TNPO2: variants seen among roughly 807,000 people sequenced by gnomAD.
The protein encoded by TNPO2 is transportin-2.
TNPO2 carries 16 observed loss-of-function variants against 111.1 expected under a neutral mutation model. The observed-to-expected ratio is 0.14, with a 90% CI of 0.10 to 0.22. TNPO2 has a LOEUF of 0.22. Ranked by LOEUF, TNPO2 falls within the 10% of genes least tolerant of loss-of-function variation. TNPO2 has a pLI of 1.00. For synonymous variants in TNPO2, 481 were observed against 475.8 expected, an observed-to-expected ratio of 1.01 and a Z score of -0.14; for missense variants, 530 against 1,173.7, an observed-to-expected ratio of 0.45 and a Z score of 8.01.
In TNPO2 at chr19:12,702,609, C is replaced by T; in HGVS notation, c.2305+214G>A. Among the ~76,000 whole-genome samples the T allele has an allele frequency of 6.6e-6, 1 of 152,138 alleles. No homozygotes were observed. The highest frequency in any genetic ancestry group is 1.5e-5 in the Non-Finnish European group (1 of 68,020). On this transcript the variant is annotated intron_variant, in intron 21 of 25. Coordinates refer to ENST00000425528, the MANE Select transcript of TNPO2 (RefSeq NM_001382241.1). The surrounding 1 kb of genome is among the most constrained non-coding windows in gnomAD (Gnocchi z 5.5). The stretch of plus-strand genomic sequence containing the variant: ...TCTCGAACTCCTGACTTCAGGTGAT[C>T]TGCCTCCCAAAGTGCTGAGATTACA...
chr19:12,720,258 A>G (rs1380182149), intron 3 of TNPO2, among the ~76,000 whole-genome samples: 1 of 151,370 alleles, frequency 6.6e-6, no homozygotes, highest in East Asian at 1.9e-4. Context: ...ACCTCAGGTG[A>G]TCCGTCCGCC....
intron 13 of TNPO2, among the ~76,000 whole-genome samples, chr19:12,710,284 C>T (rs2025964078): frequency 6.6e-6 from 1 of 152,192 alleles, no homozygotes. Flanking sequence ...ATCCGGCACC[C>T]AGCTCATCAG....
chr19:12,711,525 C>T, intron 11 of TNPO2, 28 bp downstream of exon 11: 1 of 1,613,922 alleles, frequency 6.2e-7, no homozygotes, highest in South Asian at 1.1e-5. Context: ...CGCCCATGCC[C>T]ACCCATGCTG....
chr19:12,710,344 C>T (rs2025966779), intron 13 of TNPO2, among the ~76,000 whole-genome samples: 1 of 152,210 alleles, frequency 6.6e-6, no homozygotes, highest in South Asian at 2.1e-4. Flanking sequence ...ACGAGGCAAG[C>T]ATGCAGCTGT....
chr19:12,723,050 A>C (rs1967109076), intron 2 of TNPO2, among the ~76,000 whole-genome samples, 199 bp downstream of exon 2: 2 of 152,210 alleles, frequency 1.3e-5, no homozygotes, highest in South Asian at 4.1e-4. Flanking sequence ...CCAGAGACAA[A>C]GGAAAGAAAG....
chr19:12,704,981 T>TTTTCTA (rs1435506410), intron 18 of TNPO2, among the ~76,000 whole-genome samples: 31 of 152,200 alleles, frequency 2.0e-4, no homozygotes, highest in African/African-American at 7.2e-4. Flanking sequence ...TGGCCTCACA[T>TTTTCTA]TTTCTATTTT....
At position 12,715,566 on chromosome 19, in the gene TNPO2, CGTGGGTG is replaced by C. The variant is rs745429407; in HGVS notation, c.433-35_433-29del. ...GAGTGCAGAGGGGCAGAGAGACAAA[CGTGGGTG>C]GTGGGTGGTGGTCCCAGCCCCCCAG... On this transcript the variant is annotated intron_variant, in intron 6 of 25. Coordinates refer to ENST00000425528, the MANE Select transcript of TNPO2 (RefSeq NM_001382241.1). The surrounding 1 kb of genome is among the most constrained non-coding windows in gnomAD (Gnocchi z 7.1). 28 of 1,613,546 alleles carry C rather than the reference CGTGGGTG, an allele frequency of 1.7e-5. No homozygotes were observed. The highest frequency in any genetic ancestry group is 1.3e-4 in the Admixed American group (8 of 59,970).
Position 12,706,056 on chromosome 19 carries a change from G to C in TNPO2, c.1668+140C>G. 1 of 942,984 alleles carries C rather than the reference G, an allele frequency of 1.1e-6. No homozygotes were observed. Among genetic ancestry groups the C allele is most frequent in the Non-Finnish European group, 1.6e-6 (1 of 639,540 alleles). 58.4% of individuals were successfully genotyped at this position (942,984 alleles called of 1,614,324 possible). ...TTCTCCCCCACTAGACTGGGAGCAGGGCGAGGGCGGGGCCGGGTCTGTCTG... is the reference window on the plus strand; with the variant it reads ...TTCTCCCCCACTAGACTGGGAGCAGCGCGAGGGCGGGGCCGGGTCTGTCTG... On this transcript the variant is annotated intron_variant, in intron 15 of 25. Transcript: ENST00000425528. This position sits in a 1 kb window ranked among gnomAD's most constrained non-coding sequence, Gnocchi z 7.0.
Position 12,705,992 on chromosome 19 carries a change from C to T in TNPO2, c.1668+204G>A. 1 of 689,676 alleles carries T rather than the reference C, an allele frequency of 1.4e-6. No homozygotes were observed. Among genetic ancestry groups the T allele is most frequent in the Non-Finnish European group, 2.4e-6 (1 of 420,182 alleles). The allele number at this position is 689,676 out of a possible 1,614,324, so 42.7% of individuals were successfully genotyped here. A position where few individuals can be genotyped will look rare whatever the true frequency, so the allele number is the denominator to read the frequency against. ...AGCCTGGGTTACCACCTCCTGGTTC[C>T]CGAAGCACAGCACTTACCACGCTGT... On this transcript the variant is annotated intron_variant, in intron 15 of 25. Transcript: ENST00000425528. This position sits in a 1 kb window ranked among gnomAD's most constrained non-coding sequence, Gnocchi z 7.2.
At chr19:12,722,342 C>T (rs1006771962) in intron 2 of TNPO2, 18 of 150,850 alleles carry the variant, frequency 1.2e-4, no homozygotes, top group Admixed American at 3.3e-4. Flanking sequence ...AGGATCGGGC[C>T]CAACCGGCTT....
Position 12,705,611 on chromosome 19 carries a change from G to A in TNPO2, c.1756-12C>T, listed in dbSNP as rs777796100. ...ACCGATGACAGACACTGGCAGGGAG[G>A]AAGGCAGGTGGGGAGAACTCAGGCA... On this transcript the variant is annotated splice_polypyrimidine_tract_variant and intron_variant, in intron 16 of 25. Transcript: ENST00000425528. This position sits in a 1 kb window ranked among gnomAD's most constrained non-coding sequence, Gnocchi z 7.2. The A allele has an allele frequency of 1.3e-6, 2 of 1,590,540 alleles. No homozygotes were observed. The highest frequency in any genetic ancestry group is 1.7e-6 in the Non-Finnish European group (2 of 1,168,758).
In TNPO2 at chr19:12,702,130, A is replaced by G. The variant is rs2025351153; in HGVS notation, c.2353T>C (p.Leu785=). Residue 785 remains leucine (L), a synonymous_variant, in exon 22 of 26, where the codon TTG becomes CTG. Coordinates refer to ENST00000425528, the MANE Select transcript of TNPO2 (RefSeq NM_001382241.1). The surrounding 1 kb of genome is among the most constrained non-coding windows in gnomAD (Gnocchi z 5.5). ...ACCTCCTGGGGGCACACGTAGCCCA[A>G]GCGGCCGATGGTGATGGCTGGAATG... ...SAIPAITIGR[L]GYVCPQEVAP... is the part of the protein sequence containing the mutation. 1 of 1,613,418 alleles carries G rather than the reference A, an allele frequency of 6.2e-7. No individual in the cohort carries two copies. The highest frequency in any genetic ancestry group is 8.5e-7 in the Non-Finnish European group (1 of 1,179,802).
At chr19:12,703,612 A>T in intron 19 of TNPO2, 86 bp from the exon 20 acceptor site, 1 of 1,571,254 alleles carries the variant, frequency 6.4e-7, no homozygotes, top group South Asian at 1.1e-5. Context: ...ATCAGACAGT[A>T]CGAATACATC....
intron 10 of TNPO2, among the ~76,000 whole-genome samples, chr19:12,713,482 GATAAATAAATAAATAA>G (rs112781674): frequency 1.4e-5 from 2 of 146,324 alleles, no homozygotes; most frequent in South Asian, 2.1e-4. Flanking sequence ...TCTAATGAAT[GATAAATAAATAAATAA>G]ATAAATAAAT....
chr19:12,703,923 T>C, intron 18 of TNPO2, 122 bp from the exon 19 acceptor site: 1 of 874,090 alleles, frequency 1.1e-6, no homozygotes, highest in Non-Finnish European at 1.7e-6. Flanking sequence ...AGCTCCTAGC[T>C]GTTCCTTAAC....
intron 13 of TNPO2, among the ~76,000 whole-genome samples, chr19:12,707,756 G>A (rs574546860): frequency 2.0e-5 from 3 of 151,718 alleles, no homozygotes; most frequent in East Asian, 3.9e-4. Context: ...AGAGTGCTGC[G>A]ATTATAGGTG....
Position 12,705,626 on chromosome 19 carries a change from GA to G in TNPO2, c.1756-28del, listed in dbSNP as rs748668135. On this transcript the variant is annotated intron_variant, in intron 16 of 25. Transcript: ENST00000425528. The surrounding 1 kb of genome is among the most constrained non-coding windows in gnomAD (Gnocchi z 7.2). The stretch of plus-strand genomic sequence containing the variant: ...TGGCAGGGAGGAAGGCAGGTGGGGA[GA>G]ACTCAGGCAGGGTGGGCAGGATGGG... 2 of 1,581,146 alleles carry G rather than the reference GA, an allele frequency of 1.3e-6. No homozygotes were observed. Among genetic ancestry groups the G allele is most frequent in the Non-Finnish European group, 1.7e-6 (2 of 1,163,228 alleles).
rs543162462 is a variant in TNPO2, at chr19:12,704,816, G to A, written c.2022+424C>T. On this transcript the variant is annotated intron_variant, in intron 18 of 25. Coordinates refer to ENST00000425528, the MANE Select transcript of TNPO2 (RefSeq NM_001382241.1). ...TCCTGCCTCAGCCTTCCAAGTAGCT[G>A]GGATTACAGGCGCCTACCACCATGC... Among the ~76,000 whole-genome samples, 32 of 152,024 alleles carry A rather than the reference G, an allele frequency of 2.1e-4. No homozygotes were observed. The South Asian group carries it at 6.7e-3, about 32-fold the overall frequency.
chr19:12,711,865 G>GT (rs1568336114), intron 10 of TNPO2, among the ~76,000 whole-genome samples: 2 of 147,300 alleles, frequency 1.4e-5, no homozygotes, highest in African/African-American at 5.4e-5. Flanking sequence ...TCCAGAGAAA[G>GT]GTTTTTTTTT....
Sources: allele counts gnomAD v4.1 joint callset (sites outside exome capture counted in the v4.1 genomes callset), GRCh38; gene constraint gnomAD v4.1.1; non-coding constraint Gnocchi (gnomAD v3.1); transcripts MANE v1.5; gene names NCBI Gene and HGNC (gene_info 2026-07-23, HGNC 2026-07-21).